TMED8: variants seen among roughly 807,000 people sequenced by gnomAD.
TMED8 encodes transmembrane p24 trafficking protein family member 8, also known as protein TMED8.
In TMED8, 15 loss-of-function variants were observed where a neutral mutation model predicts 32.7. That is an observed-to-expected ratio of 0.46 (90% confidence interval 0.31 to 0.71). The LOEUF (loss-of-function observed/expected upper bound fraction) is 0.71, where lower values mean the gene tolerates loss of function less well. Among genes scored for constraint, TMED8 ranks in the 30% least tolerant of loss-of-function variants. The probability of loss-of-function intolerance (pLI) is 0.06; values close to 1 mark genes in which losing one functional copy is unlikely to be tolerated. For missense variants in TMED8, 390 were observed against 423.9 expected, an observed-to-expected ratio of 0.92 and a Z score of 0.70; for synonymous variants, 147 against 161.4, an observed-to-expected ratio of 0.91 and a Z score of 0.68.
At chr14:77,355,348 CCA>C (rs1257839971) in intron 1 of TMED8, among the ~76,000 whole-genome samples, 1 of 152,036 alleles carries the variant, frequency 6.6e-6, no homozygotes, top group East Asian at 1.9e-4. Context: ...GCACACACCA[CCA>C]CACCCGGCTA....
At chr14:77,359,594 T>C in intron 1 of TMED8, 1 of 405,606 alleles carries the variant, frequency 2.5e-6, no homozygotes, top group South Asian at 1.8e-5. Context: ...GCTTTCTACT[T>C]GATCAAAAAA....
chr14:77,367,677 GGTTT>G (rs1893586732), intron 1 of TMED8, among the ~76,000 whole-genome samples: 1 of 151,748 alleles, frequency 6.6e-6, no homozygotes, highest in Non-Finnish European at 1.5e-5. Context: ...ATTGTAGGTA[GGTTT>G]GTTAACTTTC....
chr14:77,374,127 T>C (rs989521192), intron 1 of TMED8, among the ~76,000 whole-genome samples: 1 of 152,268 alleles, frequency 6.6e-6, no homozygotes, highest in Admixed American at 6.5e-5. Context: ...CATTTCTTAC[T>C]GCTGTTTTCT....
intron 3 of TMED8, among the ~76,000 whole-genome samples, chr14:77,345,990 C>T (rs1219350653): frequency 7.3e-6 from 1 of 136,694 alleles, no homozygotes; most frequent in Non-Finnish European, 1.6e-5. Context: ...AAAAAAAAAG[C>T]TTCTGTGGAA....
At chr14:77,363,960 C>T (rs1481780110) in intron 1 of TMED8, among the ~76,000 whole-genome samples, 1 of 152,110 alleles carries the variant, frequency 6.6e-6, no homozygotes, top group Non-Finnish European at 1.5e-5. Flanking sequence ...CATATTTTTG[C>T]TAGTGTATCT....
In TMED8 at chr14:77,338,821, AAC is replaced by A. The variant is rs1029060479; in HGVS notation, c.*2948_*2949del. ...GTTTGCTGAAATTTTTTCACAATAA[AAC>A]ACTGGGGGAAAAGAAATCAATACTT... On this transcript the variant is annotated 3_prime_UTR_variant, in exon 6 of 6. Transcript: ENST00000216468. The A allele has an allele frequency of 6.6e-6, 1 of 152,222 alleles. No homozygotes were observed. The highest frequency in any genetic ancestry group is 1.5e-5 in the Non-Finnish European group (1 of 68,042). The allele number at this position is 152,222 out of a possible 1,614,324, so 9.4% of individuals were successfully genotyped here. A position where few individuals can be genotyped will look rare whatever the true frequency, so the allele number is the denominator to read the frequency against.
chr14:77,348,025 T>G (rs779691159), intron 2 of TMED8, among the ~76,000 whole-genome samples: 1 of 152,218 alleles, frequency 6.6e-6, no homozygotes, highest in African/African-American at 2.4e-5. Flanking sequence ...GATACCGCAA[T>G]AGAATGAACT....
chr14:77,365,124 T>A (rs986777124), intron 1 of TMED8, among the ~76,000 whole-genome samples: 2 of 152,190 alleles, frequency 1.3e-5, no homozygotes, highest in African/African-American at 4.8e-5. Context: ...CAGATATCAC[T>A]CAGCCAAATA....
rs1257416702 is a variant in TMED8 at position 77,337,870 on chromosome 14, A to G, written c.*3901T>C. 6.6e-6 allele frequency: 1 copy of G among 152,242 alleles called. No individual in the cohort carries two copies. The highest frequency in any genetic ancestry group is 1.5e-5 in the Non-Finnish European group (1 of 68,030). The allele number at this position is 152,242 out of a possible 1,614,324, so 9.4% of individuals were successfully genotyped here. On this transcript the variant is annotated 3_prime_UTR_variant, in exon 6 of 6. Coordinates refer to ENST00000216468, the MANE Select transcript of TMED8 (RefSeq NM_213601.3). ...GAATCATCTTTGCCTAGGAATTGGT[A>G]GTTTAAAATTTTTACATTTATGCGG...
At position 77,338,956 on chromosome 14, in the gene TMED8, A is replaced by G. The variant is rs1158210075; in HGVS notation, c.*2815T>C. 6.6e-6 allele frequency: 1 copy of G among 152,202 alleles called. No individual in the cohort carries two copies. Among genetic ancestry groups the G allele is most frequent in the Non-Finnish European group, 1.5e-5 (1 of 68,030 alleles). 9.4% of individuals were successfully genotyped at this position (152,202 alleles called of 1,614,324 possible). On this transcript the variant is annotated 3_prime_UTR_variant, in exon 6 of 6. Transcript: ENST00000216468. ...TATAGAGAATTCCAATCTCTCTCCT[A>G]CTATGAAGCACTTTCTTTCAATTGT...
chr14:77,372,087 G>A (rs781353071), intron 1 of TMED8, among the ~76,000 whole-genome samples: 1 of 152,120 alleles, frequency 6.6e-6, no homozygotes, highest in Admixed American at 6.6e-5. Flanking sequence ...CATTACCATG[G>A]TTCCTCAGTG....
At chr14:77,347,557 G>A (rs114731370) in intron 2 of TMED8, among the ~76,000 whole-genome samples, 2,580 of 152,132 alleles carry the variant, frequency 0.017, 71 homozygotes, top group African/African-American at 0.059. Context: ...CATGTGCCAC[G>A]ACACCCGGCT....
rs187528658 is a variant in TMED8 at position 77,336,605 on chromosome 14, T to A, written c.*5166A>T. The A allele has an allele frequency of 6.6e-6, 1 of 152,136 alleles. No homozygotes were observed. Among genetic ancestry groups the A allele is most frequent in the Non-Finnish European group, 1.5e-5 (1 of 68,032 alleles). 9.4% of individuals were successfully genotyped at this position (152,136 alleles called of 1,614,324 possible). A position where few individuals can be genotyped will look rare whatever the true frequency, so the allele number is the denominator to read the frequency against. On this transcript the variant is annotated 3_prime_UTR_variant, in exon 6 of 6. Transcript: ENST00000216468. Reference sequence around the variant, plus strand: ...GATTTCTGAGCAAAATTCTAAGATATATTCGATAGGTTTGCTCTCCCCTCC... The same window carrying A: ...GATTTCTGAGCAAAATTCTAAGATAAATTCGATAGGTTTGCTCTCCCCTCC...
At chr14:77,371,769 T>A (rs1893683690) in intron 1 of TMED8, among the ~76,000 whole-genome samples, 1 of 152,190 alleles carries the variant, frequency 6.6e-6, no homozygotes, top group African/African-American at 2.4e-5. Context: ...AAAAAGCCAA[T>A]TTTCCTATAG....
chr14:77,358,876 ATTC>A (rs1262912659), intron 1 of TMED8, among the ~76,000 whole-genome samples: 1 of 152,016 alleles, frequency 6.6e-6, no homozygotes, highest in Non-Finnish European at 1.5e-5. Context: ...AAAAATACAC[ATTC>A]TTCTTCTGCA....
chr14:77,370,742 A>AGTGTGTGTGTGT (rs33940271), intron 1 of TMED8, among the ~76,000 whole-genome samples: 146 of 150,120 alleles, frequency 9.7e-4, no homozygotes, highest in Non-Finnish European at 1.6e-3. Context: ...TATAAAAAAA[A>AGTGTGTGTGTGT]GTGTGTGTGT....
intron 1 of TMED8, among the ~76,000 whole-genome samples, chr14:77,363,184 T>C (rs1893475436): frequency 6.6e-6 from 1 of 152,192 alleles, no homozygotes; most frequent in African/African-American, 2.4e-5. Context: ...ATATGTAACA[T>C]TCTCCAGAAT....
At chr14:77,371,791 T>C (rs1301190511) in intron 1 of TMED8, among the ~76,000 whole-genome samples, 2 of 152,206 alleles carry the variant, frequency 1.3e-5, no homozygotes. Context: ...ATAGCTTTTA[T>C]TATATTAGCC....
At chr14:77,351,983 T>C (rs1566687863) in intron 1 of TMED8, among the ~76,000 whole-genome samples, 2 of 152,120 alleles carry the variant, frequency 1.3e-5, no homozygotes, top group Non-Finnish European at 2.9e-5. Flanking sequence ...AAAACAAGGC[T>C]CCAAAAATTA....
Sources: allele counts gnomAD v4.1 joint callset (sites outside exome capture counted in the v4.1 genomes callset), GRCh38; gene constraint gnomAD v4.1.1; transcripts MANE v1.5; gene names NCBI Gene and HGNC (gene_info 2026-07-23, HGNC 2026-07-21).